FRY: variants seen among roughly 807,000 people sequenced by gnomAD.
FRY encodes protein furry homolog.
In FRY, 128 loss-of-function variants were observed where a neutral mutation model predicts 348.4. That is an observed-to-expected ratio of 0.37 (90% CI 0.32 to 0.43). The LOEUF (loss-of-function observed/expected upper bound fraction) is 0.43. FRY is among the 20% of genes least tolerant of loss of function. The pLI, the probability that FRY is intolerant of heterozygous loss-of-function variation, is 1.00. For missense variants in FRY, 2,736 were observed against 3,695.2 expected (o/e 0.74, Z 6.73); for synonymous variants, 1,370 against 1,374.7 (o/e 1.00, Z 0.08).
chr13:32,230,651 T>G (rs1322717224), intron 40 of FRY, among the ~76,000 whole-genome samples: 3 of 152,236 alleles, frequency 2.0e-5, no homozygotes, highest in Non-Finnish European at 2.9e-5. Context: ...TAGAACAATG[T>G]ATATTCCTTT....
At chr13:32,128,559 C>A (rs1326248526) in intron 7 of FRY, among the ~76,000 whole-genome samples, 2 of 152,206 alleles carry the variant, frequency 1.3e-5, no homozygotes, top group East Asian at 3.8e-4. Context: ...TTACCACTGT[C>A]TAAGACAGCT....
chr13:32,171,304 CTTTTTTTTT>C (rs71071026), intron 18 of FRY, 34 bp downstream of exon 18: 151 of 533,882 alleles, frequency 2.8e-4, no homozygotes, highest in Middle Eastern at 6.2e-4. Context: ...AATTTATATT[CTTTTTTTTT>C]TTTTTTTTTT....
chr13:32,194,182 G>C lies in FRY; in HGVS notation c.3631G>C (p.Glu1211Gln), dbSNP rs770942052. 7 of 1,614,002 alleles carry C rather than the reference G, an allele frequency of 4.3e-6. No individual in the cohort carries two copies. The highest frequency in any genetic ancestry group is 5.9e-6 in the Non-Finnish European group (7 of 1,179,910). The change falls in exon 29 of 61, where the codon GAA becomes CAA. Residue 1211 changes from glutamate (E) to glutamine (Q), a missense_variant. Transcript: ENST00000542859. ...CTGCGAAGTTGTTGTCTTGCTACTGGAACTTAATCCTGACCAAATAAATCT... is the reference window on the plus strand; with the variant it reads ...CTGCGAAGTTGTTGTCTTGCTACTGCAACTTAATCCTGACCAAATAAATCT... ...LGCEVVVLLL[E>Q]LNPDQINLFN...
At chr13:32,195,175 T>C (rs907449413) in intron 29 of FRY, among the ~76,000 whole-genome samples, 3 of 152,192 alleles carry the variant, frequency 2.0e-5, no homozygotes, top group African/African-American at 7.2e-5. Flanking sequence ...CTTAAAATTT[T>C]TATCTTTCTT....
chr13:32,031,970 GT>G (rs1460442619), intron 1 of FRY, 105 bp downstream of exon 1: 4 of 676,992 alleles, frequency 5.9e-6, no homozygotes, highest in Non-Finnish European at 5.2e-6. Context: ...AGCCGCGGAA[GT>G]TTTTCTTTTT....
intron 1 of FRY, among the ~76,000 whole-genome samples, chr13:32,050,869 A>G (rs186601206): frequency 1.3e-3 from 191 of 152,366 alleles, no homozygotes; most frequent in Non-Finnish European, 5.1e-4. Flanking sequence ...TTACACCTGT[A>G]CTATCTTGTG....
chr13:32,131,648 A>G (rs17591851), intron 7 of FRY, 24 bp from the exon 8 acceptor site: 347,183 of 1,594,316 alleles, frequency 0.22, 40,842 homozygotes, highest in Middle Eastern at 0.25. Context: ...AATATTTGAT[A>G]AACCACTTAT....
Position 32,210,865 on chromosome 13 carries a change from G to T in FRY, c.4423-1G>T. ...CCCTTGTTTTCTTTTTTCCTTCTCA[G>T]ATTAAAAAAGTGGCAATATACTTGT... On this transcript the variant is annotated splice_acceptor_variant, in intron 33 of 60. Coordinates refer to ENST00000542859, the MANE Select transcript of FRY (RefSeq NM_023037.3). LOFTEE classifies it high-confidence loss of function. 6.2e-7 allele frequency: 1 copy of T among 1,613,282 alleles called. No homozygotes were observed. The highest frequency in any genetic ancestry group is 8.5e-7 in the Non-Finnish European group (1 of 1,179,414).
intron 29 of FRY, among the ~76,000 whole-genome samples, chr13:32,198,146 A>G (rs775693205): frequency 6.6e-6 from 1 of 152,148 alleles, no homozygotes; most frequent in Non-Finnish European, 1.5e-5. Flanking sequence ...TATGAATTTA[A>G]TAGCTCATTC....
intron 1 of FRY, among the ~76,000 whole-genome samples, chr13:32,078,457 G>T (rs1020446643): frequency 2.6e-5 from 4 of 152,168 alleles, no homozygotes; most frequent in African/African-American, 9.7e-5. Flanking sequence ...ACCTGGACAA[G>T]AAATCACTTT....
chr13:32,060,508 C>T (rs777815852), intron 1 of FRY, among the ~76,000 whole-genome samples: 1 of 152,188 alleles, frequency 6.6e-6, no homozygotes, highest in Non-Finnish European at 1.5e-5. Context: ...TACAGATTCT[C>T]TGCTGTTGGT....
intron 2 of FRY, among the ~76,000 whole-genome samples, chr13:32,096,234 G>A (rs1175908965): frequency 2.0e-5 from 3 of 152,132 alleles, no homozygotes; most frequent in Admixed American, 1.3e-4. Context: ...GTTAAAATGT[G>A]AACCTGATTC....
At chr13:32,182,082 G>A (rs1224347176) in intron 23 of FRY, among the ~76,000 whole-genome samples, 1 of 152,194 alleles carries the variant, frequency 6.6e-6, no homozygotes, top group Non-Finnish European at 1.5e-5. Flanking sequence ...TTCCTGGCTA[G>A]TGATGTTTAA....
At chr13:32,264,900 G>A (rs1196930468) in intron 53 of FRY, among the ~76,000 whole-genome samples, 1 of 152,166 alleles carries the variant, frequency 6.6e-6, no homozygotes, top group South Asian at 2.1e-4. Context: ...AGGTATCCTG[G>A]GCATCTACTG....
At chr13:32,158,868 A>G (rs1294017399) in intron 16 of FRY, among the ~76,000 whole-genome samples, 2 of 150,218 alleles carry the variant, frequency 1.3e-5, no homozygotes, top group Non-Finnish European at 3.0e-5. Context: ...CAGTGAGCCA[A>G]GATTGCACCA....
rs191775585 is a variant in FRY, at chr13:32,245,111, G to A, written c.6828+929G>A. ...ACTACAGGCGTGTGCCACCACGCCC[G>A]GCTAATTTTTGTATTTTTAGTAGAG... On this transcript the variant is annotated intron_variant, in intron 47 of 60. Coordinates refer to ENST00000542859, the MANE Select transcript of FRY (RefSeq NM_023037.3). Among the ~76,000 whole-genome samples the A allele has an allele frequency of 9.2e-3, 1,398 of 151,874 alleles. 18 individuals carry two copies. Among genetic ancestry groups the A allele is most frequent in the South Asian group, 0.051 (247 of 4,804 alleles).
chr13:32,179,878 T>C, intron 23 of FRY, 79 bp downstream of exon 23: 1 of 1,423,638 alleles, frequency 7.0e-7, no homozygotes, highest in Non-Finnish European at 9.9e-7. Flanking sequence ...CAGATTTGAG[T>C]CTGTGTGTTG....
At chr13:32,076,894 C>A (rs1875104828) in intron 1 of FRY, among the ~76,000 whole-genome samples, 1 of 152,204 alleles carries the variant, frequency 6.6e-6, no homozygotes, top group South Asian at 2.1e-4. Flanking sequence ...TAGCAGCAGT[C>A]TATTGAGCCT....
At position 32,104,104 on chromosome 13, in the gene FRY, CCT is replaced by C. The variant is rs562737184; in HGVS notation, c.324+2091_324+2092del. Among the ~76,000 whole-genome samples the C allele has an allele frequency of 3.4e-3, 521 of 152,286 alleles. 1 individual carries two copies. Among genetic ancestry groups the C allele is most frequent in the Non-Finnish European group, 6.1e-3 (416 of 68,018 alleles). ...TCCAGCTTAATGTACCTCTCTTTATCCTCTGAGAAAATCGTTCTAAATTTTAA... is the reference window on the plus strand; with the variant it reads ...TCCAGCTTAATGTACCTCTCTTTATCCTGAGAAAATCGTTCTAAATTTTAA... On this transcript the variant is annotated intron_variant, in intron 3 of 60. Transcript: ENST00000542859.
Sources: gnomAD v4.1 joint callset for allele counts (sites outside exome capture counted in the v4.1 genomes callset) on GRCh38, gnomAD v4.1.1 for gene constraint, MANE v1.5 for transcripts, NCBI Gene and HGNC (gene_info 2026-07-23, HGNC 2026-07-21) for gene names.